Variants in ADAMTS3 observed in about 807,000 individuals in gnomAD.
The protein encoded by ADAMTS3 is ADAM metallopeptidase with thrombospondin type 1 motif 3, also known as A disintegrin and metalloproteinase with thrombospondin motifs 3.
A neutral mutation model predicts 129.0 loss-of-function variants in ADAMTS3; 73 were observed. That is an observed-to-expected ratio of 0.57 (90% CI 0.47 to 0.69). ADAMTS3 has a LOEUF of 0.69. Among genes scored for constraint, ADAMTS3 ranks in the 30% least tolerant of loss-of-function variants. The pLI is 0.00. For missense variants in ADAMTS3, 1,457 were observed against 1,514.5 expected (o/e 0.96, Z 0.63); for synonymous variants, 477 against 510.8 (o/e 0.93, Z 0.89).
intron 3 of ADAMTS3, among the ~76,000 whole-genome samples, chr4:72,420,955 G>T (rs754096157): frequency 1.3e-5 from 2 of 152,196 alleles, no homozygotes; most frequent in South Asian, 4.1e-4. Flanking sequence ...AGTCATAACC[G>T]CAATGGATTT....
chr4:72,425,870 A>T (rs1443513094), intron 3 of ADAMTS3, among the ~76,000 whole-genome samples: 1 of 151,628 alleles, frequency 6.6e-6, no homozygotes, highest in Non-Finnish European at 1.5e-5. Flanking sequence ...GGCTGGGTCA[A>T]ATGGTATTTC....
chr4:72,319,560 T>C (rs1719497453), intron 8 of ADAMTS3, 85 bp from the exon 9 acceptor site: 2 of 1,476,318 alleles, frequency 1.4e-6, no homozygotes, highest in Non-Finnish European at 1.8e-6. Flanking sequence ...CCCTGGGAAA[T>C]AACGTATTTT....
intron 3 of ADAMTS3, among the ~76,000 whole-genome samples, chr4:72,434,792 T>C (rs1242891847): frequency 2.0e-5 from 3 of 151,784 alleles, no homozygotes; most frequent in East Asian, 2.0e-4. Context: ...CAAATTAGGG[T>C]TGGGTTTCTT....
chr4:72,532,051 G>GAA (rs1430073170), intron 3 of ADAMTS3, among the ~76,000 whole-genome samples: 1 of 113,956 alleles, frequency 8.8e-6, no homozygotes, highest in Non-Finnish European at 1.9e-5. Flanking sequence ...CAGTATTACA[G>GAA]ACAAAAAAAA....
chr4:72,334,180 C>T (rs901804264), intron 5 of ADAMTS3, among the ~76,000 whole-genome samples: 1 of 151,944 alleles, frequency 6.6e-6, no homozygotes, highest in African/African-American at 2.4e-5. Context: ...CCTCTATCAC[C>T]CATTTGCTCT....
intron 3 of ADAMTS3, among the ~76,000 whole-genome samples, chr4:72,470,517 T>C (rs1719045202): frequency 6.6e-6 from 1 of 151,628 alleles, no homozygotes; most frequent in African/African-American, 2.4e-5. Context: ...TTCTTAAAAT[T>C]ATATCCATCT....
At chr4:72,380,411 G>A (rs925154963) in intron 4 of ADAMTS3, among the ~76,000 whole-genome samples, 2 of 152,138 alleles carry the variant, frequency 1.3e-5, no homozygotes, top group Non-Finnish European at 2.9e-5. Flanking sequence ...CTTTGGGCTA[G>A]TGCAGAAGAT....
chr4:72,535,216 C>T (rs961928094), intron 3 of ADAMTS3, among the ~76,000 whole-genome samples: 1 of 152,166 alleles, frequency 6.6e-6, no homozygotes, highest in South Asian at 2.1e-4. Context: ...AGTCAAATAT[C>T]CTGCAAGCCC....
chr4:72,399,601 T>A (rs1320806739), intron 4 of ADAMTS3, among the ~76,000 whole-genome samples: 4 of 151,996 alleles, frequency 2.6e-5, no homozygotes, highest in African/African-American at 9.7e-5. Context: ...ATTGGGGTAA[T>A]TCCACCTATT....
At chr4:72,509,823 C>T (rs1277738014) in intron 3 of ADAMTS3, among the ~76,000 whole-genome samples, 2 of 149,462 alleles carry the variant, frequency 1.3e-5, no homozygotes, top group Non-Finnish European at 3.0e-5. Context: ...AAAAAAACTA[C>T]AGGTGAGTAT....
intron 4 of ADAMTS3, among the ~76,000 whole-genome samples, chr4:72,363,408 A>C (rs1190890243): frequency 6.6e-6 from 1 of 152,202 alleles, no homozygotes; most frequent in Non-Finnish European, 1.5e-5. Context: ...TATGCTGGAT[A>C]GGAACACTCA....
intron 3 of ADAMTS3, among the ~76,000 whole-genome samples, chr4:72,479,074 C>T (rs1052979448): frequency 1.3e-5 from 2 of 152,188 alleles, no homozygotes; most frequent in African/African-American, 2.4e-5. Flanking sequence ...ACATTCCATG[C>T]TCATGGCTAG....
chr4:72,467,318 T>C (rs181368890), intron 3 of ADAMTS3, among the ~76,000 whole-genome samples: 62 of 152,196 alleles, frequency 4.1e-4, no homozygotes, highest in African/African-American at 1.4e-3. Context: ...TCTACAGCCT[T>C]GTCTCAGCTA....
intron 2 of ADAMTS3, among the ~76,000 whole-genome samples, chr4:72,550,898 C>A (rs566277243): frequency 6.6e-6 from 1 of 152,124 alleles, no homozygotes; most frequent in African/African-American, 2.4e-5. Context: ...ACAAAGAACT[C>A]CCCATTCAAC....
rs781276406 is a variant in ADAMTS3 at position 72,320,732 on chromosome 4, C to T, written c.1084G>A (p.Gly362Arg). The change falls in exon 7 of 22, where the codon GGA becomes AGA. Residue 362 changes from glycine to arginine, a missense_variant. Coordinates refer to ENST00000286657, the MANE Select transcript of ADAMTS3 (RefSeq NM_014243.3). ...GCAATACCTTGCATTCCAGCAGGTC[C>T]AAAGTCTTGCCTGGTTAAAAAAATT... is the stretch of plus-strand genomic sequence containing the variant. The part of the protein sequence containing the change: ...HAIFLTRQDF[G>R]PAGMQGYAPV... 1.2e-6 allele frequency: 2 copies of T among 1,613,694 alleles called. No homozygotes were observed. The highest frequency in any genetic ancestry group is 1.7e-6 in the Non-Finnish European group (2 of 1,179,794).
chr4:72,319,321 A>T lies in ADAMTS3; in HGVS notation c.1352+11T>A, dbSNP rs1560470756. ...AATAAATACTTTCATGACATGCAGC[A>T]GGGGACATACTGGATATATCTTTTC... On this transcript the variant is annotated intron_variant, in intron 9 of 21. Coordinates refer to ENST00000286657, the MANE Select transcript of ADAMTS3 (RefSeq NM_014243.3). 6.2e-7 allele frequency: 1 copy of T among 1,613,744 alleles called. No individual in the cohort carries two copies. Among genetic ancestry groups the T allele is most frequent in the Non-Finnish European group, 8.5e-7 (1 of 1,179,854 alleles).
chr4:72,515,896 C>T (rs1720458543), intron 3 of ADAMTS3, among the ~76,000 whole-genome samples: 1 of 152,190 alleles, frequency 6.6e-6, no homozygotes, highest in Non-Finnish European at 1.5e-5. Flanking sequence ...GTGTTTTAGA[C>T]ATGAAGTCCT....
At chr4:72,402,991 T>G (rs1206353419) in intron 4 of ADAMTS3, among the ~76,000 whole-genome samples, 1 of 152,152 alleles carries the variant, frequency 6.6e-6, no homozygotes. Context: ...CCCAAAGGAC[T>G]GAACACTGAG....
chr4:72,497,928 T>C (rs1430547377), intron 3 of ADAMTS3, among the ~76,000 whole-genome samples: 1 of 152,018 alleles, frequency 6.6e-6, no homozygotes, highest in African/African-American at 2.4e-5. Context: ...AGTTAAAAGA[T>C]AAAAAGATTT....
Sources: allele counts gnomAD v4.1 joint callset (sites outside exome capture counted in the v4.1 genomes callset), GRCh38; gene constraint gnomAD v4.1.1; transcripts MANE v1.5; gene names NCBI Gene and HGNC (gene_info 2026-07-23, HGNC 2026-07-21).